Variants in DGKB observed in about 807,000 individuals in gnomAD.
The protein encoded by DGKB is diacylglycerol kinase beta, also known as 90 kDa diacylglycerol kinase.
In DGKB, 67 loss-of-function variants were observed where a neutral mutation model predicts 114.3. That is an observed-to-expected ratio of 0.59 (90% CI 0.48 to 0.72). The LOEUF is 0.72. Ranked by LOEUF, DGKB falls within the 30% of genes least tolerant of loss-of-function variation. The pLI is 0.00. For synonymous variants in DGKB, 398 were observed against 323.1 expected, an observed-to-expected ratio of 1.23 and a Z score of -2.49; for missense variants, 907 against 975.2, an observed-to-expected ratio of 0.93 and a Z score of 0.93.
upstream of DGKB, among the ~76,000 whole-genome samples, chr7:14,905,279 T>C (rs917812819): frequency 1.3e-5 from 2 of 148,434 alleles, no homozygotes; most frequent in African/African-American, 4.9e-5. Context: ...CTTATAGCAT[T>C]ACTAAGATTC....
intron 1 of DGKB, among the ~76,000 whole-genome samples, chr7:14,871,089 TCAAAAAAAAAAAAAAAAAAAAA>T (rs570259939): frequency 0.64 from 14 of 22 alleles, 7 homozygotes; most frequent in African/African-American, 0.64. Flanking sequence ...AGACTCCGTC[TCAAAAAAAAAAAAAAAAAAAAA>T]AAAAAAAAAG....
chr7:14,631,284 A>AAAAAG (rs1809657276), intron 13 of DGKB, among the ~76,000 whole-genome samples: 2 of 146,432 alleles, frequency 1.4e-5, no homozygotes, highest in Non-Finnish European at 3.1e-5. Flanking sequence ...AAAAAAAAAG[A>AAAAAG]AAAAAATAGC....
chr7:14,824,263 TCTC>T (rs905459961), intron 2 of DGKB, among the ~76,000 whole-genome samples: 2 of 152,110 alleles, frequency 1.3e-5, no homozygotes, highest in African/African-American at 2.4e-5. Flanking sequence ...ATAACCTTGT[TCTC>T]CTCATTTTTT....
intron 2 of DGKB, among the ~76,000 whole-genome samples, chr7:14,820,022 TG>T (rs1844695840): frequency 6.6e-6 from 1 of 152,138 alleles, no homozygotes; most frequent in African/African-American, 2.4e-5. Flanking sequence ...GAGAGATTTT[TG>T]AATAAAAGAG....
At chr7:14,498,814 A>C (rs1274282221) in intron 20 of DGKB, among the ~76,000 whole-genome samples, 1 of 151,774 alleles carries the variant, frequency 6.6e-6, no homozygotes, top group African/African-American at 2.4e-5. Context: ...AATATAGTTT[A>C]TTTACTTGCG....
chr7:14,555,131 T>C (rs1327316778), intron 20 of DGKB, among the ~76,000 whole-genome samples: 2 of 152,208 alleles, frequency 1.3e-5, no homozygotes, highest in Non-Finnish European at 2.9e-5. Flanking sequence ...TTCACATGGC[T>C]TTGAAGTAGA....
intron 23 of DGKB, among the ~76,000 whole-genome samples, chr7:14,300,375 C>A (rs913040784): frequency 1.3e-5 from 2 of 151,996 alleles, no homozygotes; most frequent in Non-Finnish European, 2.9e-5. Flanking sequence ...GTGTACTAAT[C>A]AACTGTGCAA....
chr7:14,711,790 C>A (rs1235852827), intron 6 of DGKB, among the ~76,000 whole-genome samples: 1 of 151,966 alleles, frequency 6.6e-6, no homozygotes, highest in Non-Finnish European at 1.5e-5. Flanking sequence ...TTGAGTTCTG[C>A]AAAAGTGAAA....
At chr7:14,668,903 C>T (rs541993921) in intron 13 of DGKB, among the ~76,000 whole-genome samples, 1 of 152,058 alleles carries the variant, frequency 6.6e-6, no homozygotes, top group Non-Finnish European at 1.5e-5. Context: ...CTATTCCATT[C>T]ATAAAGCTGG....
intron 13 of DGKB, among the ~76,000 whole-genome samples, chr7:14,669,834 A>G (rs915463312): frequency 7.9e-5 from 12 of 152,158 alleles, no homozygotes; most frequent in African/African-American, 2.7e-4. Flanking sequence ...TGAATCCCAG[A>G]ACACATCAGT....
At chr7:14,845,747 A>C (rs1056368703) in intron 1 of DGKB, among the ~76,000 whole-genome samples, 20 of 152,122 alleles carry the variant, frequency 1.3e-4, no homozygotes, top group African/African-American at 4.6e-4. Context: ...AAAATAGTGC[A>C]TAAAGGAGAC....
At chr7:14,208,191 A>G (rs1787143639) in intron 23 of DGKB, among the ~76,000 whole-genome samples, 1 of 152,058 alleles carries the variant, frequency 6.6e-6, no homozygotes, top group Admixed American at 6.6e-5. Flanking sequence ...CAACACATTT[A>G]GTGCTATGCT....
At chr7:14,329,197 T>G (rs1231388029) in intron 23 of DGKB, among the ~76,000 whole-genome samples, 1 of 151,950 alleles carries the variant, frequency 6.6e-6, no homozygotes, top group African/African-American at 2.4e-5. Context: ...TACAAGTAGA[T>G]GATGAGATCT....
rs1796865648 is a variant in DGKB, at chr7:14,262,115, A to C, written c.2122+76400T>G. 2.0e-5 allele frequency among the ~76,000 whole-genome samples: 3 copies of C among 152,206 alleles called. No individual in the cohort carries two copies. In the South Asian group the frequency reaches 6.2e-4, roughly 31 times the overall value. On this transcript the variant is annotated intron_variant, in intron 23 of 25. Coordinates refer to ENST00000402815, the MANE Select transcript of DGKB (RefSeq NM_001350709.2). The stretch of plus-strand genomic sequence containing the variant: ...AAGGCAGAGGGGTCCTCTGGAATAT[A>C]GGAGCTTCCAAGATAATGACGTATC...
intron 23 of DGKB, among the ~76,000 whole-genome samples, chr7:14,183,562 G>T (rs1445851827): frequency 5.9e-5 from 9 of 152,144 alleles, no homozygotes; most frequent in Admixed American, 5.9e-4. Context: ...CTATGAGCAG[G>T]CTCCCTGCTA....
Position 14,920,305 on chromosome 7 carries a change from A to G in DGKB, c.-188+54391T>C, listed in dbSNP as rs755376261. 6.6e-5 allele frequency among the ~76,000 whole-genome samples: 10 copies of G among 152,220 alleles called. 1 individual carries two copies. The highest frequency in any genetic ancestry group is 5.2e-4 in the Admixed American group (8 of 15,282). Reference sequence around the variant, plus strand: ...ATATACAACGAATTCTTGAAACTCAATCATAAGGAAACAATTTAAAAATGG... The same window carrying G: ...ATATACAACGAATTCTTGAAACTCAGTCATAAGGAAACAATTTAAAAATGG... On this transcript the variant is annotated intron_variant, in intron 1 of 4. Transcript: ENST00000437998.
intron 21 of DGKB, among the ~76,000 whole-genome samples, chr7:14,353,178 G>A (rs1168853170): frequency 6.6e-6 from 1 of 152,050 alleles, no homozygotes; most frequent in Non-Finnish European, 1.5e-5. Flanking sequence ...AATGAATGCA[G>A]CATCACTTGA....
At chr7:14,374,349 C>T (rs1028847779) in intron 21 of DGKB, among the ~76,000 whole-genome samples, 3 of 152,172 alleles carry the variant, frequency 2.0e-5, no homozygotes, top group South Asian at 2.1e-4. Context: ...AAAAACCTTT[C>T]CCCTCTCCCC....
At chr7:14,933,846 CTGTT>C (rs1248131139) in intron 1 of DGKB, among the ~76,000 whole-genome samples, 1 of 152,076 alleles carries the variant, frequency 6.6e-6, no homozygotes, top group Admixed American at 6.6e-5. Context: ...AGAAGTTCCT[CTGTT>C]TGGTTGATAT....
Sources: allele counts gnomAD v4.1 joint callset (sites outside exome capture counted in the v4.1 genomes callset), GRCh38; gene constraint gnomAD v4.1.1; transcripts MANE v1.5; gene names NCBI Gene and HGNC (gene_info 2026-07-23, HGNC 2026-07-21).